CDKN2B-AS1: variants seen among roughly 807,000 people sequenced by gnomAD.
The protein encoded by CDKN2B-AS1 is CDKN2B and CDKN2A antisense cis and trans regulatory RNA 1, also known as CDKN2B antisense RNA 1 (non-protein coding).
intron 4 of CDKN2B-AS1, among the ~76,000 whole-genome samples, chr9:22,065,111 C>T (rs1179982067): frequency 1.3e-5 from 2 of 152,182 alleles, no homozygotes; most frequent in South Asian, 4.1e-4. Flanking sequence ...TGGGCTGATT[C>T]TCTCTAGTGA....
intron 1 of CDKN2B-AS1, among the ~76,000 whole-genome samples, chr9:22,026,040 C>T (rs915325895): frequency 2.0e-5 from 3 of 151,972 alleles, no homozygotes; most frequent in African/African-American, 7.3e-5. Flanking sequence ...AGCCGGGGAC[C>T]CCAGATGGGA....
At chr9:22,041,308 G>T (rs1260915885) in intron 1 of CDKN2B-AS1, among the ~76,000 whole-genome samples, 1 of 152,002 alleles carries the variant, frequency 6.6e-6, no homozygotes, top group Non-Finnish European at 1.5e-5. Context: ...CTGAAGAGTT[G>T]TGTATAACAA....
chr9:22,073,217 G>A (rs1824366880), intron 4 of CDKN2B-AS1, among the ~76,000 whole-genome samples: 1 of 152,082 alleles, frequency 6.6e-6, no homozygotes, highest in East Asian at 1.9e-4. Flanking sequence ...GTATACTCTT[G>A]AAAATAGATG....
chr9:22,068,839 CA>C (rs1479803204), intron 4 of CDKN2B-AS1, among the ~76,000 whole-genome samples: 1 of 152,196 alleles, frequency 6.6e-6, no homozygotes, highest in Non-Finnish European at 1.5e-5. Flanking sequence ...AACTGATGGT[CA>C]ACCTGTTCAA....
chr9:21,998,833 A>G (rs1367114666), intron 1 of CDKN2B-AS1, among the ~76,000 whole-genome samples: 1 of 152,222 alleles, frequency 6.6e-6, no homozygotes, highest in African/African-American at 2.4e-5. Context: ...AACATTGCAC[A>G]TGCTCAAACT....
chr9:22,118,386 A>G (rs1174444393), intron 4 of CDKN2B-AS1: 1 of 152,186 alleles, frequency 6.6e-6, no homozygotes, highest in Non-Finnish European at 1.5e-5. Flanking sequence ...AATCATTGCT[A>G]TGAAGGGCAT....
intron 4 of CDKN2B-AS1, among the ~76,000 whole-genome samples, chr9:22,065,979 A>G (rs948557720): frequency 1.3e-5 from 2 of 152,156 alleles, no homozygotes; most frequent in Admixed American, 1.3e-4. Flanking sequence ...CACTCCCTGG[A>G]CACGGAAGTT....
intron 4 of CDKN2B-AS1, among the ~76,000 whole-genome samples, chr9:22,076,049 GTTTTA>G (rs561226756): frequency 2.0e-5 from 3 of 149,280 alleles, no homozygotes; most frequent in Non-Finnish European, 4.5e-5. Flanking sequence ...GATTGGAGAG[GTTTTA>G]TTTTATTTTA....
In CDKN2B-AS1 at chr9:21,997,764, A is replaced by G. The variant is rs571648800; in HGVS notation, n.29+2603A>G. 3.9e-5 allele frequency among the ~76,000 whole-genome samples: 6 copies of G among 152,180 alleles called. No homozygotes were observed. The South Asian group carries it at 8.3e-4, about 21-fold the overall frequency. On this transcript the variant is annotated intron_variant and non_coding_transcript_variant, in intron 1 of 4. Transcript: ENST00000650946. The surrounding 1 kb of genome is among the most constrained non-coding windows in gnomAD (Gnocchi z 4.8). ...TAAATGTTAATCATATCTAAAAAATACCTCCACAGCAATATTTAGACTGGT... is the reference window on the plus strand; with the variant it reads ...TAAATGTTAATCATATCTAAAAAATGCCTCCACAGCAATATTTAGACTGGT...
chr9:22,078,631 G>A (rs1224530359), intron 4 of CDKN2B-AS1, among the ~76,000 whole-genome samples: 2 of 152,158 alleles, frequency 1.3e-5, no homozygotes, highest in African/African-American at 2.4e-5. Context: ...TGATTCAGCA[G>A]GTCTGGAGTA....
At chr9:22,091,271 GCTTTGTT>G (rs1319608488) in intron 4 of CDKN2B-AS1, among the ~76,000 whole-genome samples, 5 of 152,156 alleles carry the variant, frequency 3.3e-5, no homozygotes, top group African/African-American at 1.2e-4. Flanking sequence ...GATGCCTCCA[GCTTTGTT>G]CTTTTGGCTT....
At chr9:22,020,691 T>A (rs976206887) in intron 1 of CDKN2B-AS1, among the ~76,000 whole-genome samples, 1 of 152,326 alleles carries the variant, frequency 6.6e-6, no homozygotes, top group South Asian at 2.1e-4. Flanking sequence ...TTGAACAGTG[T>A]CTGTTCATGT....
intron 1 of CDKN2B-AS1, among the ~76,000 whole-genome samples, chr9:22,044,785 G>A (rs566062041): frequency 4.9e-4 from 75 of 151,680 alleles, no homozygotes; most frequent in African/African-American, 1.7e-3. Flanking sequence ...GAGTCAGTAA[G>A]AGAGGAAATG....
intron 1 of CDKN2B-AS1, among the ~76,000 whole-genome samples, chr9:22,014,662 GGTTA>G (rs1184237335): frequency 5.3e-5 from 8 of 151,754 alleles, no homozygotes; most frequent in Non-Finnish European, 1.0e-4. Context: ...ACAATGTGCA[GGTTA>G]GTTACATAGG....
At chr9:22,105,504 A>T (rs1161022908) in intron 4 of CDKN2B-AS1, among the ~76,000 whole-genome samples, 1 of 152,130 alleles carries the variant, frequency 6.6e-6, no homozygotes, top group African/African-American at 2.4e-5. Context: ...TGATATTTTC[A>T]CAAGGTCTCT....
chr9:22,103,020 G>A (rs1447583468), intron 4 of CDKN2B-AS1, among the ~76,000 whole-genome samples: 1 of 152,102 alleles, frequency 6.6e-6, no homozygotes, highest in African/African-American at 2.4e-5. Flanking sequence ...ATTGAGGCAG[G>A]TCAAATAACC....
chr9:22,076,796 A>C (rs10757271), intron 4 of CDKN2B-AS1, among the ~76,000 whole-genome samples: 3 of 152,048 alleles, frequency 2.0e-5, no homozygotes, highest in Non-Finnish European at 4.4e-5. Flanking sequence ...AGGCTCAAGC[A>C]ATCCTCTCAC....
chr9:22,059,543 G>T (rs574500749), intron 4 of CDKN2B-AS1, among the ~76,000 whole-genome samples: 2 of 152,310 alleles, frequency 1.3e-5, no homozygotes, highest in South Asian at 4.1e-4. Flanking sequence ...TCACCGGCTG[G>T]TGTTGAGTGT....
intron 4 of CDKN2B-AS1, among the ~76,000 whole-genome samples, chr9:22,100,987 A>G (rs1330633134): frequency 6.6e-6 from 1 of 152,184 alleles, no homozygotes; most frequent in African/African-American, 2.4e-5. Context: ...GCCCAATTTA[A>G]AACTGGGTTG....
Sources: allele counts gnomAD v4.1 joint callset (sites outside exome capture counted in the v4.1 genomes callset), GRCh38; gene constraint gnomAD v4.1.1; non-coding constraint Gnocchi (gnomAD v3.1); transcripts MANE v1.5; gene names NCBI Gene and HGNC (gene_info 2026-07-23, HGNC 2026-07-21).